PDGFRB: variants seen among roughly 807,000 people sequenced by gnomAD.
PDGFRB encodes the protein platelet derived growth factor receptor beta, also known as platelet-derived growth factor receptor beta.
In PDGFRB, 42 loss-of-function variants were observed where a neutral mutation model predicts 120.2. That is an observed-to-expected ratio of 0.35 (90% CI 0.27 to 0.45). The LOEUF (loss-of-function observed/expected upper bound fraction) is 0.45, where lower values mean the gene tolerates loss of function less well. Among genes scored for constraint, PDGFRB ranks in the 20% least tolerant of loss-of-function variants. PDGFRB has a pLI of 1.00. For synonymous variants in PDGFRB, 586 were observed against 606.8 expected (o/e 0.97, Z 0.50); for missense variants, 1,149 against 1,476.3 (o/e 0.78, Z 3.63).
At position 150,120,810 on chromosome 5, in the gene PDGFRB, C is replaced by T; in HGVS notation, c.2586+78G>A. On this transcript the variant is annotated intron_variant, in intron 18 of 22. Coordinates refer to ENST00000261799, the MANE Select transcript of PDGFRB (RefSeq NM_002609.4). This position sits in a 1 kb window ranked among gnomAD's most constrained non-coding sequence, Gnocchi z 4.3. ...ACACAGATTTCCTATGAGCTGCAGC[C>T]ACACTGGTCAGGAGGGAATCTGTTC... 7.2e-7 allele frequency: 1 copy of T among 1,381,496 alleles called. No homozygotes were observed. Among genetic ancestry groups the T allele is most frequent in the East Asian group, 2.3e-5 (1 of 43,060 alleles). The allele number at this position is 1,381,496 out of a possible 1,614,324, so 85.6% of individuals were successfully genotyped here.
At chr5:150,138,332 G>A (rs897831714) in intron 1 of PDGFRB, among the ~76,000 whole-genome samples, 3 of 152,168 alleles carry the variant, frequency 2.0e-5, no homozygotes, top group Admixed American at 6.5e-5. Flanking sequence ...GTTTAGGTCT[G>A]CAGACCGGGT....
intron 1 of PDGFRB, among the ~76,000 whole-genome samples, chr5:150,147,371 G>T (rs557224079): frequency 1.1e-4 from 16 of 152,212 alleles, no homozygotes; most frequent in African/African-American, 3.6e-4. Flanking sequence ...ACTGAGGAGG[G>T]GGGTGCGGCA....
chr5:150,115,972 G>C (rs745680632), intron 22 of PDGFRB, 26 bp from the exon 23 acceptor site: 4 of 1,545,160 alleles, frequency 2.6e-6, no homozygotes, highest in Admixed American at 2.0e-5. Flanking sequence ...AGTGAGTGAG[G>C]GGCTAGGAAG....
chr5:150,147,943 G>A (rs1760971005), intron 1 of PDGFRB, among the ~76,000 whole-genome samples: 1 of 152,162 alleles, frequency 6.6e-6, no homozygotes, highest in African/African-American at 2.4e-5. Context: ...ACTCGGCCTT[G>A]CGCGCACAGC....
At chr5:150,122,273 G>T in intron 15 of PDGFRB, 6 of 514,524 alleles carry the variant, frequency 1.2e-5, no homozygotes, top group Non-Finnish European at 1.1e-5. Flanking sequence ...ACCCAGAGGC[G>T]ATTACAGCAC....
chr5:150,141,978 G>C (rs1027608263), intron 1 of PDGFRB, among the ~76,000 whole-genome samples: 5 of 151,980 alleles, frequency 3.3e-5, no homozygotes, highest in Admixed American at 1.3e-4. Flanking sequence ...GCAGGGAGAG[G>C]GGGGTGCTGG....
chr5:150,147,266 C>A (rs1475192231), intron 1 of PDGFRB, among the ~76,000 whole-genome samples: 1 of 152,194 alleles, frequency 6.6e-6, no homozygotes, highest in Non-Finnish European at 1.5e-5. Context: ...CCCATCCCCA[C>A]CCCCCAGAGC....
chr5:150,122,056 CA>C lies in PDGFRB; in HGVS notation c.2184-17del. 6.2e-7 allele frequency: 1 copy of C among 1,610,876 alleles called. No individual in the cohort carries two copies. The highest frequency in any genetic ancestry group is 1.1e-5 in the South Asian group (1 of 90,968). On this transcript the variant is annotated splice_polypyrimidine_tract_variant and intron_variant, in intron 15 of 22. Coordinates refer to ENST00000261799, the MANE Select transcript of PDGFRB (RefSeq NM_002609.4). ...GGACACATGGCTGGGGGTAAAGGAG[CA>C]TCACAGGAGAGCCTGCAGGCTTTGC... is the stretch of plus-strand genomic sequence containing the variant.
At chr5:150,151,509 C>T (rs1198068713) in intron 1 of PDGFRB, among the ~76,000 whole-genome samples, 2 of 152,212 alleles carry the variant, frequency 1.3e-5, no homozygotes, top group Non-Finnish European at 2.9e-5. Flanking sequence ...AGCTCCGCCA[C>T]TTCCGAGCTG....
chr5:150,129,860 C>T lies in PDGFRB; in HGVS notation c.1476G>A (p.Val492=), dbSNP rs1235855409. 6.2e-7 allele frequency: 1 copy of T among 1,614,128 alleles called. No homozygotes were observed. The highest frequency in any genetic ancestry group is 8.5e-7 in the Non-Finnish European group (1 of 1,179,970). Residue 492 remains valine (V), a synonymous_variant, in exon 10 of 23, where the codon GTG becomes GTA. Coordinates refer to ENST00000261799, the MANE Select transcript of PDGFRB (RefSeq NM_002609.4). The part of the protein sequence containing the change: ...YWEEEQEFEV[V]STLRLQHVDR... Reference sequence around the variant, plus strand: ...CCACGTGCTGCAGACGCAGTGTGCTCACCACCTCAAACTCCTGCTCCTCCT... The same window carrying T: ...CCACGTGCTGCAGACGCAGTGTGCTTACCACCTCAAACTCCTGCTCCTCCT...
chr5:150,121,810 G>T lies in PDGFRB; in HGVS notation c.2344+70C>A. ...AGGCTCCCTTCTTCTCAGGGTTTTT[G>T]GCAAGGCTGGGCATGTGAAGAGCAT... On this transcript the variant is annotated intron_variant, in intron 16 of 22. Transcript: ENST00000261799. The surrounding 1 kb of genome is among the most constrained non-coding windows in gnomAD (Gnocchi z 4.1). 8.2e-7 allele frequency: 1 copy of T among 1,212,640 alleles called. No individual in the cohort carries two copies. Among genetic ancestry groups the T allele is most frequent in the South Asian group, 1.3e-5 (1 of 77,604 alleles). The allele number at this position is 1,212,640 out of a possible 1,614,324, so 75.1% of individuals were successfully genotyped here.
chr5:150,117,653 G>A lies in PDGFRB; in HGVS notation c.3102C>T (p.Asp1034=), dbSNP rs569140859. Reference sequence around the variant, plus strand: ...TGGGGGAACCCTCCAGTGGGCCCTCGTCAGCAACCTCGGGTTTGGGGTCAG... The same window carrying A: ...TGGGGGAACCCTCCAGTGGGCCCTCATCAGCAACCTCGGGTTTGGGGTCAG... ...PLPDPKPEVA[D]EGPLEGSPSL... The change falls in exon 22 of 23, where the codon GAC becomes GAT. Residue 1034 remains aspartate (D), a synonymous_variant. Transcript: ENST00000261799. 3.9e-5 allele frequency: 63 copies of A among 1,613,322 alleles called. No homozygotes were observed. Among genetic ancestry groups the A allele is most frequent in the African/African-American group, 9.3e-5 (7 of 74,956 alleles).
At chr5:150,142,868 G>A (rs984526909) in intron 1 of PDGFRB, among the ~76,000 whole-genome samples, 3 of 152,140 alleles carry the variant, frequency 2.0e-5, no homozygotes, top group Non-Finnish European at 4.4e-5. Context: ...ATATCTTACT[G>A]TATCGTTCAC....
intron 1 of PDGFRB, among the ~76,000 whole-genome samples, chr5:150,145,843 C>T (rs1195661125): frequency 6.6e-6 from 1 of 152,170 alleles, no homozygotes; most frequent in Admixed American, 6.5e-5. Flanking sequence ...CGCCACTGCA[C>T]TCCAGCCTGG....
Position 150,123,035 on chromosome 5 carries a change from C to T in PDGFRB, c.2183+7G>A. The T allele has an allele frequency of 6.2e-7, 1 of 1,611,828 alleles. No homozygotes were observed. Among genetic ancestry groups the T allele is most frequent in the Non-Finnish European group, 8.5e-7 (1 of 1,179,260 alleles). On this transcript the variant is annotated splice_region_variant and intron_variant, in intron 15 of 22. Transcript: ENST00000261799. ...AAAGATTCAGTCCCTGGCCTCCCTC[C>T]TGGTACCTGGGCAGGGGGAGCCCAA...
At chr5:150,122,083 C>A in intron 15 of PDGFRB, 43 bp from the exon 16 acceptor site, 1 of 1,541,928 alleles carries the variant, frequency 6.5e-7, no homozygotes, top group East Asian at 2.3e-5. Flanking sequence ...CAGGCTTTGC[C>A]TTCCCCTCCC....
In PDGFRB at chr5:150,133,042, C is replaced by G. The variant is rs117869739; in HGVS notation, c.935-100G>C. On this transcript the variant is annotated intron_variant, in intron 6 of 22. Coordinates refer to ENST00000261799, the MANE Select transcript of PDGFRB (RefSeq NM_002609.4). ...GGGGTGGGGCTTCAGGCCTGGGGAC[C>G]GTGCCAGCCATGGAGTTTCCGGAGC... 4.8e-4 allele frequency: 396 copies of G among 821,142 alleles called. 5 individuals are homozygous for G. The East Asian group carries it at 9.6e-3, about 20-fold the overall frequency. 50.9% of individuals were successfully genotyped at this position (821,142 alleles called of 1,614,324 possible).
intron 1 of PDGFRB, among the ~76,000 whole-genome samples, chr5:150,140,421 G>A (rs1760753589): frequency 6.6e-6 from 1 of 152,322 alleles, no homozygotes; most frequent in East Asian, 1.9e-4. Context: ...AGAGCAGAGA[G>A]AGGGAGGGCA....
At chr5:150,141,246 G>A (rs779525347) in intron 1 of PDGFRB, among the ~76,000 whole-genome samples, 11 of 152,252 alleles carry the variant, frequency 7.2e-5, no homozygotes, top group Non-Finnish European at 1.5e-4. Flanking sequence ...CAGTTCACAT[G>A]TGTATGCAGC....
Sources: allele counts gnomAD v4.1 joint callset (sites outside exome capture counted in the v4.1 genomes callset), GRCh38; gene constraint gnomAD v4.1.1; non-coding constraint Gnocchi (gnomAD v3.1); transcripts MANE v1.5; gene names NCBI Gene and HGNC (gene_info 2026-07-23, HGNC 2026-07-21).